Variants in LRRK1 observed in about 807,000 individuals in gnomAD.
The protein encoded by LRRK1 is leucine rich repeat kinase 1, also known as leucine-rich repeat serine/threonine-protein kinase 1.
A neutral mutation model predicts 209.1 loss-of-function variants in LRRK1; 113 were observed. The ratio of observed to expected loss-of-function variants is 0.54; its 90% CI spans 0.46 to 0.63. LRRK1 has a LOEUF of 0.63. LRRK1 is among the 30% of genes least tolerant of loss of function. The pLI, the probability that LRRK1 is intolerant of heterozygous loss-of-function variation, is 0.00. For missense variants in LRRK1, 2,284 were observed against 2,632.2 expected (o/e 0.87, Z 2.89); for synonymous variants, 1,144 against 1,099.7 (o/e 1.04, Z -0.80).
intron 1 of LRRK1, among the ~76,000 whole-genome samples, chr15:100,923,659 C>T (rs2042058393): frequency 6.6e-6 from 1 of 152,154 alleles, no homozygotes; most frequent in African/African-American, 2.4e-5. Context: ...TCAGTGGGGG[C>T]CCAGCATAGA....
At chr15:101,004,901 TTTTG>T (rs986586549) in intron 6 of LRRK1, among the ~76,000 whole-genome samples, 6 of 152,200 alleles carry the variant, frequency 3.9e-5, no homozygotes, top group Non-Finnish European at 8.8e-5. Flanking sequence ...CTTGCTGTTG[TTTTG>T]TTTATTTTAT....
Position 101,014,442 on chromosome 15 carries a change from T to A in LRRK1, c.1532+14T>A, listed in dbSNP as rs779913542. 2 of 1,562,600 alleles carry A rather than the reference T, an allele frequency of 1.3e-6. No individual in the cohort carries two copies. Among genetic ancestry groups the A allele is most frequent in the African/African-American group, 2.7e-5 (2 of 73,974 alleles). The stretch of plus-strand genomic sequence containing the variant: ...CCAACTTGGCAAGTAAGCAGGGGCC[T>A]CTCCTCCCTGGCCAGTTCCAAAGCG... On this transcript the variant is annotated intron_variant, in intron 11 of 33. Coordinates refer to ENST00000388948, the MANE Select transcript of LRRK1 (RefSeq NM_024652.6).
At chr15:100,960,964 C>G (rs569832502) in intron 2 of LRRK1, among the ~76,000 whole-genome samples, 2 of 152,286 alleles carry the variant, frequency 1.3e-5, no homozygotes, top group Admixed American at 1.3e-4. Context: ...ATGTTAGGTG[C>G]TGAATAAGAG....
intron 2 of LRRK1, among the ~76,000 whole-genome samples, chr15:100,961,523 C>T (rs958323289): frequency 6.6e-6 from 1 of 151,904 alleles, no homozygotes; most frequent in African/African-American, 2.4e-5. Flanking sequence ...CATGGTGGTG[C>T]GTGCCTGTAA....
chr15:100,954,574 A>G (rs4965739), intron 2 of LRRK1, among the ~76,000 whole-genome samples: 1 of 152,130 alleles, frequency 6.6e-6, no homozygotes, highest in Non-Finnish European at 1.5e-5. Context: ...ATTGCCAAGA[A>G]TAATGTCAAG....
chr15:101,067,684 T>C (rs952296637), intron 33 of LRRK1, among the ~76,000 whole-genome samples: 1 of 152,190 alleles, frequency 6.6e-6, no homozygotes, highest in African/African-American at 2.4e-5. Context: ...CCTGGGCCAG[T>C]GACCCTTACT....
At chr15:101,046,912 A>G (rs1346219016) in intron 21 of LRRK1, among the ~76,000 whole-genome samples, 1 of 152,236 alleles carries the variant, frequency 6.6e-6, no homozygotes, top group Non-Finnish European at 1.5e-5. Flanking sequence ...CATTTGCTAC[A>G]GTGGTGTTTT....
intron 2 of LRRK1, among the ~76,000 whole-genome samples, chr15:100,947,550 A>G (rs1216595784): frequency 6.6e-6 from 1 of 152,226 alleles, no homozygotes; most frequent in African/African-American, 2.4e-5. Context: ...CTTGAAAAGA[A>G]CTTATTGAGC....
intron 2 of LRRK1, among the ~76,000 whole-genome samples, chr15:100,965,846 G>T (rs555992490): frequency 1.1e-4 from 16 of 152,090 alleles, no homozygotes; most frequent in Non-Finnish European, 2.1e-4. Context: ...TGAAAATAAT[G>T]ACATAAATTA....
chr15:100,921,304 G>A (rs956800821), intron 1 of LRRK1, among the ~76,000 whole-genome samples: 1 of 152,106 alleles, frequency 6.6e-6, no homozygotes, highest in African/African-American at 2.4e-5. Flanking sequence ...CCCTTTTTGG[G>A]CTCATCTGGG....
At chr15:101,025,014 T>C in intron 16 of LRRK1, 47 bp downstream of exon 16, 2 of 1,578,190 alleles carry the variant, frequency 1.3e-6, no homozygotes, top group South Asian at 2.2e-5. Flanking sequence ...CCCAGAGCTT[T>C]GCAGGTCCCA....
rs1445166572 is a variant in LRRK1, at chr15:101,022,221, G to C, written c.1853-162G>C. 1 of 722,114 alleles carries C rather than the reference G, an allele frequency of 1.4e-6. No homozygotes were observed. Among genetic ancestry groups the C allele is most frequent in the African/African-American group, 1.8e-5 (1 of 56,722 alleles). The allele number at this position is 722,114 out of a possible 1,614,324, so 44.7% of individuals were successfully genotyped here. A position where few individuals can be genotyped will look rare whatever the true frequency, so the allele number is the denominator to read the frequency against. On this transcript the variant is annotated intron_variant, in intron 14 of 33. Coordinates refer to ENST00000388948, the MANE Select transcript of LRRK1 (RefSeq NM_024652.6). The surrounding 1 kb of genome is among the most constrained non-coding windows in gnomAD (Gnocchi z 4.0). ...TCTTGCCTCTTAGAGTTCGCTTTTA[G>C]GGTGGTTAGTGTCATGCCTTCCCTC... is the stretch of plus-strand genomic sequence containing the variant.
chr15:101,054,887 A>G (rs1035631496), intron 26 of LRRK1, 59 bp from the exon 27 acceptor site: 4 of 1,360,426 alleles, frequency 2.9e-6, no homozygotes, highest in Non-Finnish European at 4.1e-6. Flanking sequence ...TTATCATGAT[A>G]ATTTGATTCT....
rs141102052 is a variant in LRRK1, at chr15:101,024,824, G to A, written c.2089G>A (p.Val697Ile). 4.9e-3 allele frequency: 7,856 copies of A among 1,613,978 alleles called. 36 individuals are homozygous for A. The highest frequency in any genetic ancestry group is 7.0e-3 in the South Asian group (639 of 91,076). ...GTAGGTTGAGTCCGTGGAGTTCAAC[G>A]TCTGGGACATCGGGGGACCGGCCAG... The part of the protein sequence containing the change: ...RAKVESVEFN[V>I]WDIGGPASMA... The change falls in exon 16 of 34, where the codon GTC (valine) becomes ATC (isoleucine). Residue 697 changes from valine (V) to isoleucine (I), a missense_variant. Physicochemically the swap from Val to Ile is conservative, Grantham distance 29 (BLOSUM62 3). Coordinates refer to ENST00000388948, the MANE Select transcript of LRRK1 (RefSeq NM_024652.6). The surrounding 1 kb of genome is among the most constrained non-coding windows in gnomAD (Gnocchi z 4.6).
intron 2 of LRRK1, among the ~76,000 whole-genome samples, chr15:100,962,833 T>A (rs2030163053): frequency 9.3e-5 from 2 of 21,510 alleles, no homozygotes; most frequent in Admixed American, 6.9e-4. Flanking sequence ...ATTTTTTTTT[T>A]TTTTTTTGAG....
At chr15:100,984,389 T>C (rs12901993) in intron 4 of LRRK1, among the ~76,000 whole-genome samples, 17,743 of 152,196 alleles carry the variant, frequency 0.12, 1,079 homozygotes, top group African/African-American at 0.14. Flanking sequence ...TTTTGACAAA[T>C]GGATAATGAC....
At chr15:101,059,340 G>A (rs2036015416) in intron 29 of LRRK1, among the ~76,000 whole-genome samples, 4 of 152,336 alleles carry the variant, frequency 2.6e-5, no homozygotes, top group Admixed American at 2.6e-4. Context: ...TGCCACTGCA[G>A]TGGGTGGTGA....
chr15:100,941,234 CTGTGTGTGTCTGTCTG>C, intron 2 of LRRK1, among the ~76,000 whole-genome samples: 2 of 127,576 alleles, frequency 1.6e-5, no homozygotes, highest in African/African-American at 3.1e-5. Flanking sequence ...GTGTGTGTGT[CTGTGTGTGTCTGTCTG>C]TGTGTGTGTC....
chr15:100,970,500 A>T (rs569900673), intron 2 of LRRK1, among the ~76,000 whole-genome samples: 1 of 152,276 alleles, frequency 6.6e-6, no homozygotes, highest in East Asian at 1.9e-4. Context: ...CCTTGGAGCC[A>T]TTTGTCTATA....
Sources: gnomAD v4.1 joint callset for allele counts (sites outside exome capture counted in the v4.1 genomes callset) on GRCh38, gnomAD v4.1.1 for gene constraint, Gnocchi (gnomAD v3.1) non-coding constraint, MANE v1.5 for transcripts, NCBI Gene and HGNC (gene_info 2026-07-23, HGNC 2026-07-21) for gene names.